The following UTP18 variants were observed in gnomAD, a reference collection of about 807,000 sequenced individuals.
UTP18 encodes U3 small nucleolar RNA-associated protein 18 homolog.
A neutral mutation model predicts 61.1 loss-of-function variants in UTP18; 36 were observed. The observed-to-expected ratio is 0.59, with a 90% CI of 0.45 to 0.78. The LOEUF is 0.78. Among genes scored for constraint, UTP18 ranks in the 30% least tolerant of loss-of-function variants. The pLI is 0.00. For missense variants in UTP18, 753 were observed against 693.9 expected (o/e 1.09, Z -0.96); for synonymous variants, 282 against 251.1 (o/e 1.12, Z -1.16).
intron 10 of UTP18, among the ~76,000 whole-genome samples, chr17:51,285,776 AG>A (rs1044974342): frequency 3.3e-5 from 5 of 152,230 alleles, no homozygotes; most frequent in African/African-American, 1.2e-4. Flanking sequence ...ATGTGTGTAT[AG>A]GAGAAAACAC....
intron 11 of UTP18, 27 bp from the exon 12 acceptor site, chr17:51,293,875 CT>C: frequency 1.3e-6 from 2 of 1,498,722 alleles, no homozygotes; most frequent in Non-Finnish European, 1.8e-6. Context: ...AGTTGTTACA[CT>C]TTAAAGTTTT....
rs951678504 is a variant in UTP18, at chr17:51,294,013, G to C, written c.1614G>C (p.Leu538Phe). Residue 538 changes from leucine to phenylalanine, a missense_variant, in exon 12 of 14, where the codon TTG (leucine) becomes TTC (phenylalanine). Physicochemically the swap from Leu to Phe is conservative, Grantham distance 22. Transcript: ENST00000225298. ...DFSPRSGYFA[L>F]GNEKGKALMY... ...CTCCGAGAAGTGGATACTTTGCCTT[G>C]GGGAATGAAAAGGGCAAGGCCCTGA... The C allele has an allele frequency of 6.2e-7, 1 of 1,609,216 alleles. No individual in the cohort carries two copies. The highest frequency in any genetic ancestry group is 8.5e-7 in the Non-Finnish European group (1 of 1,177,936).
chr17:51,277,997 A>G (rs1904787905), intron 7 of UTP18, among the ~76,000 whole-genome samples: 1 of 152,138 alleles, frequency 6.6e-6, no homozygotes, highest in Non-Finnish European at 1.5e-5. Context: ...TCCCTATTAA[A>G]CTGTACATGC....
chr17:51,289,052 C>T (rs911070410), intron 11 of UTP18, among the ~76,000 whole-genome samples: 1 of 152,172 alleles, frequency 6.6e-6, no homozygotes, highest in African/African-American at 2.4e-5. Context: ...TTAGCATAAA[C>T]CACATTGTTT....
chr17:51,287,295 T>C (rs1279501468), intron 10 of UTP18, among the ~76,000 whole-genome samples: 3 of 152,234 alleles, frequency 2.0e-5, no homozygotes, highest in African/African-American at 7.2e-5. Flanking sequence ...CTTCAAGTTA[T>C]TCTTAAAGAA....
At chr17:51,266,979 A>G (rs143448927) in intron 3 of UTP18, among the ~76,000 whole-genome samples, 14 of 152,202 alleles carry the variant, frequency 9.2e-5, no homozygotes, top group Admixed American at 8.5e-4. Context: ...GACTACAGGC[A>G]TGTACCACCT....
At chr17:51,274,613 T>C (rs1904652617) in intron 5 of UTP18, among the ~76,000 whole-genome samples, 1 of 151,820 alleles carries the variant, frequency 6.6e-6, no homozygotes, top group South Asian at 2.1e-4. Flanking sequence ...GGCTAATTTT[T>C]TTTTGTTTTT....
chr17:51,295,935 T>G (rs1420980732), intron 12 of UTP18, among the ~76,000 whole-genome samples: 2 of 152,208 alleles, frequency 1.3e-5, no homozygotes, highest in East Asian at 3.8e-4. Context: ...TCTTCGTGCC[T>G]TATGTTTAGA....
At chr17:51,267,743 G>T (rs543844526) in intron 3 of UTP18, among the ~76,000 whole-genome samples, 70 of 152,140 alleles carry the variant, frequency 4.6e-4, no homozygotes, top group African/African-American at 1.6e-3. Context: ...TCTCAGCTTT[G>T]TGTCAGGGTC....
intron 10 of UTP18, 138 bp from the exon 11 acceptor site, chr17:51,287,891 G>T: frequency 1.8e-6 from 1 of 546,438 alleles, no homozygotes; most frequent in Non-Finnish European, 2.9e-6. Flanking sequence ...GACATCTGTG[G>T]CTATAGTGGT....
chr17:51,266,467 T>C (rs1216869169), intron 3 of UTP18, among the ~76,000 whole-genome samples, 187 bp downstream of exon 3: 1 of 152,182 alleles, frequency 6.6e-6, no homozygotes, highest in Non-Finnish European at 1.5e-5. Flanking sequence ...AAAGAAAATT[T>C]GGAAAAAAAT....
intron 7 of UTP18, among the ~76,000 whole-genome samples, chr17:51,278,269 G>A (rs896764530): frequency 2.6e-5 from 4 of 152,262 alleles, no homozygotes; most frequent in Admixed American, 6.5e-5. Flanking sequence ...GGTCTTAGGT[G>A]GGTTGAGTCT....
intron 9 of UTP18, among the ~76,000 whole-genome samples, chr17:51,284,421 T>A (rs1177652319): frequency 6.6e-6 from 1 of 152,192 alleles, no homozygotes; most frequent in African/African-American, 2.4e-5. Context: ...TGGTAATAGA[T>A]AAATTGTGTG....
intron 12 of UTP18, among the ~76,000 whole-genome samples, chr17:51,294,601 G>T (rs561700111): frequency 1.6e-4 from 25 of 152,194 alleles, no homozygotes; most frequent in African/African-American, 5.8e-4. Flanking sequence ...GTCTATCATT[G>T]TTGGACATTT....
At chr17:51,268,974 C>G (rs1904406795) in intron 4 of UTP18, 70 bp downstream of exon 4, 2 of 1,466,258 alleles carry the variant, frequency 1.4e-6, no homozygotes, top group Admixed American at 3.4e-5. Flanking sequence ...TTTGAGCTTT[C>G]TTATGAGGCT....
intron 9 of UTP18, among the ~76,000 whole-genome samples, chr17:51,284,766 A>G (rs1017555665): frequency 6.6e-6 from 1 of 152,204 alleles, no homozygotes; most frequent in Non-Finnish European, 1.5e-5. Context: ...AATGTATACA[A>G]GAAATATTCT....
At position 51,266,516 on chromosome 17, in the gene UTP18, C is replaced by T. The variant is rs188758967; in HGVS notation, c.554+236C>T. On this transcript the variant is annotated intron_variant, in intron 3 of 13. Transcript: ENST00000225298. ...ATATAATCAGTGATAATATTGCTTA[C>T]TTGTTCATTTGCATATGGTACACCA... Among the ~76,000 whole-genome samples, 248 of 152,242 alleles carry T rather than the reference C, an allele frequency of 1.6e-3. 1 individual carries two copies. Among genetic ancestry groups the T allele is most frequent in the Non-Finnish European group, 2.2e-3 (152 of 68,012 alleles).
intron 10 of UTP18, among the ~76,000 whole-genome samples, chr17:51,287,378 A>G (rs530797205): frequency 1.3e-5 from 2 of 152,320 alleles, no homozygotes; most frequent in Admixed American, 6.5e-5. Context: ...CACTGCAGCA[A>G]TAGGCAGGCA....
chr17:51,292,387 A>G (rs1431466645), intron 11 of UTP18, among the ~76,000 whole-genome samples: 1 of 152,250 alleles, frequency 6.6e-6, no homozygotes, highest in African/African-American at 2.4e-5. Flanking sequence ...CCTTCTGGCA[A>G]AGTTGAAAAT....
Sources: allele counts gnomAD v4.1 joint callset (sites outside exome capture counted in the v4.1 genomes callset), GRCh38; gene constraint gnomAD v4.1.1; transcripts MANE v1.5; gene names NCBI Gene and HGNC (gene_info 2026-07-23, HGNC 2026-07-21).